Variants in GALNT13 observed in about 807,000 individuals in gnomAD.
GALNT13 encodes the protein polypeptide N-acetylgalactosaminyltransferase 13, also known as UDP-GalNAc:polypeptide N-acetylgalactosaminyltransferase 13.
In GALNT13, 28 loss-of-function variants were observed where a neutral mutation model predicts 64.2. The ratio of observed to expected loss-of-function variants is 0.44; its 90% confidence interval spans 0.32 to 0.60. The LOEUF (loss-of-function observed/expected upper bound fraction) is 0.60. GALNT13 is among the 20% of genes least tolerant of loss of function. The pLI is 0.05. For synonymous variants in GALNT13, 214 were observed against 224.6 expected (o/e 0.95, Z 0.42); for missense variants, 577 against 669.8 (o/e 0.86, Z 1.53).
At chr2:154,130,847 A>G (rs1390146620) in intron 3 of GALNT13, among the ~76,000 whole-genome samples, 4 of 152,202 alleles carry the variant, frequency 2.6e-5, no homozygotes, top group Admixed American at 6.5e-5. Flanking sequence ...CTCACAATGA[A>G]TATTGGATTA....
At chr2:153,790,399 T>C in the GALNT13 span, among the ~76,000 whole-genome samples, 1 of 142,372 alleles carries the variant, frequency 7.0e-6, no homozygotes, top group African/African-American at 2.4e-5. Context: ...AAAAATAATA[T>C]AGGCTTTATG....
the GALNT13 span, among the ~76,000 whole-genome samples, chr2:153,069,127 C>G: frequency 6.6e-6 from 1 of 152,298 alleles, no homozygotes; most frequent in South Asian, 2.1e-4. Flanking sequence ...GGTGCTACCT[C>G]TTTGACCTTC....
chr2:153,257,816 A>G, the GALNT13 span, among the ~76,000 whole-genome samples: 4 of 152,332 alleles, frequency 2.6e-5, no homozygotes, highest in African/African-American at 9.6e-5. Flanking sequence ...CTTTTGCAAT[A>G]GGACACAATT....
intron 4 of GALNT13, among the ~76,000 whole-genome samples, chr2:154,181,745 C>G (rs1685970195): frequency 6.6e-6 from 1 of 151,832 alleles, no homozygotes; most frequent in Admixed American, 6.6e-5. Flanking sequence ...ACAGGTTGCT[C>G]AAAGTATTTT....
the GALNT13 span, among the ~76,000 whole-genome samples, chr2:153,571,196 G>C: frequency 6.6e-6 from 1 of 151,638 alleles, no homozygotes; most frequent in Non-Finnish European, 1.5e-5. Flanking sequence ...TTAATTTCTA[G>C]TATTTAATTT....
chr2:153,215,170 A>C, the GALNT13 span, among the ~76,000 whole-genome samples: 1 of 152,090 alleles, frequency 6.6e-6, no homozygotes, highest in Non-Finnish European at 1.5e-5. Context: ...AGACATTTTC[A>C]GAAATACATA....
chr2:153,245,829 G>T, the GALNT13 span, among the ~76,000 whole-genome samples: 1 of 152,072 alleles, frequency 6.6e-6, no homozygotes. Flanking sequence ...GGCTTCAGAA[G>T]GTGGGTAATA....
At chr2:153,690,406 G>A in the GALNT13 span, among the ~76,000 whole-genome samples, 1 of 152,182 alleles carries the variant, frequency 6.6e-6, no homozygotes, top group South Asian at 2.1e-4. Flanking sequence ...TACAGAATAA[G>A]CACGGTTTGA....
chr2:153,446,708 G>C, the GALNT13 span: 1 of 152,010 alleles, frequency 6.6e-6, no homozygotes. Context: ...AGAATTTTTT[G>C]CCTATAGGTG....
At chr2:154,222,151 G>T (rs575610129) in intron 4 of GALNT13, among the ~76,000 whole-genome samples, 15 of 152,020 alleles carry the variant, frequency 9.9e-5, no homozygotes, top group African/African-American at 2.9e-4. Context: ...CAATTTACAG[G>T]TTGATCCACT....
At chr2:153,721,597 A>T in the GALNT13 span, among the ~76,000 whole-genome samples, 1 of 149,748 alleles carries the variant, frequency 6.7e-6, no homozygotes, top group Non-Finnish European at 1.5e-5. Context: ...ATAGGCTCAA[A>T]ATAAAAGGAT....
the GALNT13 span, among the ~76,000 whole-genome samples, chr2:153,269,880 AC>A: frequency 6.6e-6 from 1 of 152,054 alleles, no homozygotes; most frequent in African/African-American, 2.4e-5. Flanking sequence ...TCTCTTGAGA[AC>A]TCACTATCAT....
chr2:153,470,887 T>C, the GALNT13 span, among the ~76,000 whole-genome samples: 1 of 152,100 alleles, frequency 6.6e-6, no homozygotes, highest in South Asian at 2.1e-4. Flanking sequence ...AAATTCACAG[T>C]GGGGGAAATG....
upstream of GALNT13, among the ~76,000 whole-genome samples, chr2:153,867,428 T>A (rs1431786197): frequency 6.6e-6 from 1 of 152,132 alleles, no homozygotes; most frequent in Non-Finnish European, 1.5e-5. Flanking sequence ...CTATTTCAAT[T>A]TTCTTCTAGA....
the GALNT13 span, among the ~76,000 whole-genome samples, chr2:153,831,561 C>CACACTGACT: frequency 6.6e-5 from 10 of 152,138 alleles, no homozygotes; most frequent in African/African-American, 2.4e-4. Flanking sequence ...CTCATCACGC[C>CACACTGACT]TCAGCACCCA....
At chr2:153,274,213 A>G in the GALNT13 span, among the ~76,000 whole-genome samples, 1 of 152,148 alleles carries the variant, frequency 6.6e-6, no homozygotes, top group Non-Finnish European at 1.5e-5. Context: ...AAAAAAATAA[A>G]AAAAATTTAT....
At position 154,286,763 on chromosome 2, in the gene GALNT13, T is replaced by C. The variant is rs1193882853; in HGVS notation, c.976-14646T>C. ...GTACAGGAAGGGACTCACTTTCTCA[T>C]GCCATGGGTACAGAAACCAATTTTC... is the stretch of plus-strand genomic sequence containing the variant. On this transcript the variant is annotated intron_variant, in intron 8 of 12. Coordinates refer to ENST00000392825, the MANE Select transcript of GALNT13 (RefSeq NM_052917.4). 3 of 324,300 alleles carry C rather than the reference T, an allele frequency of 9.3e-6. No homozygotes were observed. In the Admixed American group the frequency reaches 1.2e-4, roughly 13 times the overall value. 20.1% of individuals were successfully genotyped at this position (324,300 alleles called of 1,614,324 possible).
At chr2:154,417,521 A>ATTTATTTT (rs1553529811) in intron 11 of GALNT13, among the ~76,000 whole-genome samples, 4,503 of 138,998 alleles carry the variant, frequency 0.032, 114 homozygotes, top group Non-Finnish European at 0.048. Context: ...TTATTTATTT[A>ATTTATTTT]TTTTTTTGAG....
chr2:154,208,799 C>G (rs1338374109), intron 4 of GALNT13, among the ~76,000 whole-genome samples: 1 of 152,056 alleles, frequency 6.6e-6, no homozygotes, highest in Non-Finnish European at 1.5e-5. Context: ...GCTACCCAAT[C>G]TCTGAAAGTA....
Sources: allele counts gnomAD v4.1 joint callset (sites outside exome capture counted in the v4.1 genomes callset), GRCh38; gene constraint gnomAD v4.1.1; transcripts MANE v1.5; gene names NCBI Gene and HGNC (gene_info 2026-07-23, HGNC 2026-07-21).